Variants in ADGRL3 observed in about 807,000 individuals in gnomAD.
ADGRL3 encodes adhesion G protein-coupled receptor L3.
A neutral mutation model predicts 153.5 loss-of-function variants in ADGRL3; 62 were observed. The ratio of observed to expected loss-of-function variants is 0.40; its 90% CI spans 0.33 to 0.50. The LOEUF (loss-of-function observed/expected upper bound fraction) is 0.50, where lower values mean the gene tolerates loss of function less well. Among genes scored for constraint, ADGRL3 ranks in the 20% least tolerant of loss-of-function variants. ADGRL3 has a pLI of 0.47. For synonymous variants in ADGRL3, 710 were observed against 672.5 expected (o/e 1.06, Z -0.86); for missense variants, 1,641 against 1,859.4 (o/e 0.88, Z 2.16).
chr4:61,749,154 A>C (rs1251524691), intron 8 of ADGRL3, among the ~76,000 whole-genome samples: 1 of 152,110 alleles, frequency 6.6e-6, no homozygotes, highest in Non-Finnish European at 1.5e-5. Context: ...TCAAAACCGC[A>C]ATGAGATACC....
chr4:61,496,034 T>C (rs2152804090), intron 2 of ADGRL3, among the ~76,000 whole-genome samples: 1 of 152,326 alleles, frequency 6.6e-6, no homozygotes, highest in South Asian at 2.1e-4. Context: ...GTTATTTAGA[T>C]AATACTTTGC....
chr4:61,862,751 T>C (rs1441799435), intron 9 of ADGRL3, among the ~76,000 whole-genome samples: 5 of 152,240 alleles, frequency 3.3e-5, no homozygotes, highest in Middle Eastern at 3.4e-3. Context: ...TTCAGAATCA[T>C]TGGGAGGTGA....
At chr4:61,658,055 A>C (rs1293747984) in intron 5 of ADGRL3, among the ~76,000 whole-genome samples, 1 of 152,154 alleles carries the variant, frequency 6.6e-6, no homozygotes, top group Non-Finnish European at 1.5e-5. Context: ...TCCTAAAGTC[A>C]GTCCACCATA....
chr4:61,999,993 C>G (rs2099134806), intron 21 of ADGRL3, among the ~76,000 whole-genome samples: 1 of 152,030 alleles, frequency 6.6e-6, no homozygotes, highest in Non-Finnish European at 1.5e-5. Context: ...GTTTCTTAGA[C>G]TATTTGTTCC....
chr4:61,446,796 T>C (rs1373955191), intron 2 of ADGRL3, among the ~76,000 whole-genome samples: 1 of 152,188 alleles, frequency 6.6e-6, no homozygotes. Flanking sequence ...AGTAGGTGTT[T>C]AAAAAATGCT....
At chr4:61,510,936 C>T (rs2098460203) in intron 3 of ADGRL3, among the ~76,000 whole-genome samples, 1 of 152,136 alleles carries the variant, frequency 6.6e-6, no homozygotes, top group Non-Finnish European at 1.5e-5. Flanking sequence ...TCTCTGATTT[C>T]TTTGAGCAGT....
chr4:61,532,193 C>T (rs1043050571), intron 4 of ADGRL3, among the ~76,000 whole-genome samples: 3 of 152,126 alleles, frequency 2.0e-5, no homozygotes, highest in Admixed American at 6.5e-5. Flanking sequence ...GTCAGATATG[C>T]GTGACTGCAT....
At chr4:62,036,556 A>G (rs548017340) in intron 23 of ADGRL3, among the ~76,000 whole-genome samples, 8 of 152,288 alleles carry the variant, frequency 5.3e-5, no homozygotes, top group African/African-American at 1.9e-4. Flanking sequence ...CAATAATAAG[A>G]TGAAATGTTC....
intron 5 of ADGRL3, among the ~76,000 whole-genome samples, chr4:61,671,818 C>T (rs1259000522): frequency 5.3e-5 from 8 of 152,054 alleles, no homozygotes; most frequent in Admixed American, 5.2e-4. Context: ...CTCATTCTCC[C>T]ACAAGACAGC....
At chr4:61,590,875 C>A (rs1237883370) in intron 5 of ADGRL3, among the ~76,000 whole-genome samples, 2 of 152,108 alleles carry the variant, frequency 1.3e-5, no homozygotes, top group Non-Finnish European at 2.9e-5. Flanking sequence ...AAGGGCATAG[C>A]TTTTTTCTAG....
At chr4:61,790,344 T>C (rs965796023) in intron 8 of ADGRL3, among the ~76,000 whole-genome samples, 2 of 152,180 alleles carry the variant, frequency 1.3e-5, no homozygotes, top group Non-Finnish European at 2.9e-5. Flanking sequence ...TTCATTTATG[T>C]ATAGTAGGCC....
At chr4:61,220,453 A>G (rs1278248050) in intron 1 of ADGRL3, among the ~76,000 whole-genome samples, 1 of 152,172 alleles carries the variant, frequency 6.6e-6, no homozygotes. Flanking sequence ...TTTATGCTCT[A>G]TATAATGGGA....
chr4:62,004,688 A>G (rs544422205), intron 21 of ADGRL3, among the ~76,000 whole-genome samples: 1 of 152,086 alleles, frequency 6.6e-6, no homozygotes, highest in Non-Finnish European at 1.5e-5. Context: ...AAAGATTATT[A>G]GGTCAACATG....
intron 17 of ADGRL3, among the ~76,000 whole-genome samples, chr4:61,969,102 T>A (rs1194378788): frequency 6.6e-6 from 1 of 152,162 alleles, no homozygotes; most frequent in Non-Finnish European, 1.5e-5. Context: ...GCGGTCAGCA[T>A]ATTGGTCCTC....
chr4:61,324,046 C>A (rs1358899886), intron 1 of ADGRL3, among the ~76,000 whole-genome samples: 3 of 152,100 alleles, frequency 2.0e-5, no homozygotes, highest in Admixed American at 2.0e-4. Flanking sequence ...TGGCAGCAGG[C>A]AAAGAGAGAG....
At chr4:61,836,892 A>T (rs1428934978) in intron 9 of ADGRL3, among the ~76,000 whole-genome samples, 2 of 152,130 alleles carry the variant, frequency 1.3e-5, no homozygotes, top group Admixed American at 6.6e-5. Flanking sequence ...GAAAAATCGA[A>T]ATCGAAGACT....
Position 61,528,343 on chromosome 4 carries a change from G to A in ADGRL3, c.259+10825G>A, listed in dbSNP as rs988772621. Among the ~76,000 whole-genome samples, 3 of 151,936 alleles carry A rather than the reference G, an allele frequency of 2.0e-5. No individual in the cohort carries two copies. In the South Asian group the frequency reaches 6.2e-4, roughly 31 times the overall value. ...TGGGAAGTCTTTCTCAGTCTCTGGAGGTTGGAATATGACAACACTATCATA... is the reference window on the plus strand; with the variant it reads ...TGGGAAGTCTTTCTCAGTCTCTGGAAGTTGGAATATGACAACACTATCATA... On this transcript the variant is annotated intron_variant, in intron 4 of 26. Transcript: ENST00000683033.
At chr4:61,509,967 G>A (rs2098454425) in intron 3 of ADGRL3, among the ~76,000 whole-genome samples, 1 of 152,104 alleles carries the variant, frequency 6.6e-6, no homozygotes, top group South Asian at 2.1e-4. Flanking sequence ...ATTCTGACTG[G>A]TGTGAGATGG....
intron 8 of ADGRL3, among the ~76,000 whole-genome samples, chr4:61,791,649 T>G (rs1487223722): frequency 6.6e-6 from 1 of 152,076 alleles, no homozygotes; most frequent in Non-Finnish European, 1.5e-5. Context: ...TGTGTGGAGT[T>G]CCTTCTGCAC....
Sources: allele counts gnomAD v4.1 joint callset (sites outside exome capture counted in the v4.1 genomes callset), GRCh38; gene constraint gnomAD v4.1.1; transcripts MANE v1.5; gene names NCBI Gene and HGNC (gene_info 2026-07-23, HGNC 2026-07-21).